MSH3: variants seen among roughly 807,000 people sequenced by gnomAD.
MSH3 encodes mutS homolog 3.
A neutral mutation model predicts 123.3 loss-of-function variants in MSH3; 106 were observed. The observed-to-expected ratio is 0.86, with a 90% CI of 0.73 to 1.01. MSH3 has a LOEUF of 1.01. MSH3 is among the 50% of genes least tolerant of loss of function. MSH3 has a pLI of 0.00. For missense variants in MSH3, 1,459 were observed against 1,347.6 expected (o/e 1.08, Z -1.29); for synonymous variants, 515 against 481.4 (o/e 1.07, Z -0.91).
intron 12 of MSH3, among the ~76,000 whole-genome samples, chr5:80,757,001 C>T (rs6151771): frequency 0.025 from 3,776 of 152,198 alleles, 142 homozygotes; most frequent in African/African-American, 0.084. Context: ...AAAAGTCAAA[C>T]TTTTCAGTAA....
At chr5:80,788,929 G>A (rs1291881644) in intron 18 of MSH3, among the ~76,000 whole-genome samples, 1 of 152,074 alleles carries the variant, frequency 6.6e-6, no homozygotes, top group Non-Finnish European at 1.5e-5. Context: ...GGTGTCATCA[G>A]TATGCTTTCT....
At chr5:80,789,688 C>T (rs1280133009) in intron 18 of MSH3, among the ~76,000 whole-genome samples, 1 of 152,110 alleles carries the variant, frequency 6.6e-6, no homozygotes, top group African/African-American at 2.4e-5. Flanking sequence ...ACTTTCTTTG[C>T]AAAATGTGAG....
chr5:80,690,804 C>T (rs776601940), intron 8 of MSH3, among the ~76,000 whole-genome samples: 31 of 151,962 alleles, frequency 2.0e-4, no homozygotes, highest in Admixed American at 1.8e-3. Flanking sequence ...GAAATCAGTT[C>T]GGTAGGTTGT....
At chr5:80,693,371 A>G (rs1750372845) in intron 8 of MSH3, among the ~76,000 whole-genome samples, 1 of 61,078 alleles carries the variant, frequency 1.6e-5, no homozygotes, top group Admixed American at 1.8e-4. Context: ...ATATACATGC[A>G]CATGTATATG....
intron 22 of MSH3, among the ~76,000 whole-genome samples, chr5:80,872,417 T>C (rs1056119797): frequency 5.9e-5 from 9 of 152,142 alleles, no homozygotes; most frequent in African/African-American, 1.9e-4. Flanking sequence ...GCCAGTGAGC[T>C]GAGATTGCGC....
At chr5:80,812,634 T>C (rs1212069410) in intron 19 of MSH3, among the ~76,000 whole-genome samples, 3 of 140,064 alleles carry the variant, frequency 2.1e-5, no homozygotes, top group Non-Finnish European at 4.5e-5. Flanking sequence ...CATGCTGGAA[T>C]GCAGTGGTGC....
intron 21 of MSH3, among the ~76,000 whole-genome samples, chr5:80,860,915 C>G (rs1354662675): frequency 6.6e-6 from 1 of 152,168 alleles, no homozygotes; most frequent in Non-Finnish European, 1.5e-5. Context: ...TCCTCAAGCT[C>G]AGAGATTCTT....
intron 8 of MSH3, among the ~76,000 whole-genome samples, chr5:80,717,049 G>A (rs1048724073): frequency 1.3e-5 from 2 of 152,084 alleles, no homozygotes; most frequent in African/African-American, 2.4e-5. Flanking sequence ...CATTTTTTGG[G>A]GGGGGCTGAA....
At chr5:80,772,553 GA>G (rs1230298197) in intron 15 of MSH3, among the ~76,000 whole-genome samples, 5 of 152,112 alleles carry the variant, frequency 3.3e-5, no homozygotes, top group African/African-American at 1.2e-4. Flanking sequence ...TGCTTATAAT[GA>G]ATCAAGGCAG....
chr5:80,684,411 A>G (rs1750039297), intron 8 of MSH3, among the ~76,000 whole-genome samples: 1 of 151,986 alleles, frequency 6.6e-6, no homozygotes, highest in Non-Finnish European at 1.5e-5. Context: ...GTTAACTCCT[A>G]GATATTTTAT....
chr5:80,783,551 C>T (rs897803100), intron 17 of MSH3, among the ~76,000 whole-genome samples: 3 of 152,068 alleles, frequency 2.0e-5, no homozygotes, highest in African/African-American at 7.2e-5. Flanking sequence ...TTACTTATCC[C>T]TTCTTGCTTT....
Position 80,869,198 on chromosome 5 carries a change from A to C in MSH3, c.3131-3918A>C, listed in dbSNP as rs183365563. The stretch of plus-strand genomic sequence containing the variant: ...GCAACTTCAGAAATTATTTGTCAGT[A>C]CACATCTCTTTAATAACTGCTTAGA... On this transcript the variant is annotated intron_variant, in intron 22 of 23. Transcript: ENST00000265081. 1.4e-3 allele frequency among the ~76,000 whole-genome samples: 217 copies of C among 152,366 alleles called. 1 individual carries two copies. Among genetic ancestry groups the C allele is most frequent in the African/African-American group, 5.1e-3 (211 of 41,588 alleles).
intron 2 of MSH3, among the ~76,000 whole-genome samples, chr5:80,663,781 A>ATT (rs35756839): frequency 3.3e-5 from 5 of 151,626 alleles, no homozygotes; most frequent in Admixed American, 6.6e-5. Context: ...ATTTTAAACT[A>ATT]TTTTTTTTGA....
intron 20 of MSH3, among the ~76,000 whole-genome samples, chr5:80,817,875 A>G (rs1745132673): frequency 6.6e-6 from 1 of 152,164 alleles, no homozygotes; most frequent in African/African-American, 2.4e-5. Context: ...GACATTAGGT[A>G]AAAGTTTGTG....
intron 8 of MSH3, among the ~76,000 whole-genome samples, chr5:80,720,002 T>C (rs1354438709): frequency 3.3e-5 from 5 of 152,140 alleles, no homozygotes; most frequent in Non-Finnish European, 7.3e-5. Context: ...CAGGTGGTGG[T>C]GATGCTACTG....
Position 80,827,597 on chromosome 5 carries a change from A to G in MSH3, c.2813+13856A>G, listed in dbSNP as rs1187225645. 4.7e-5 allele frequency among the ~76,000 whole-genome samples: 7 copies of G among 147,490 alleles called. No individual in the cohort carries two copies. In the Admixed American group the frequency reaches 4.7e-4, roughly 10 times the overall value. ...AAATCCACATGATAAGTGAGCACTAAATGAGTAAGTTGTTATGATTTTATT... is the reference window on the plus strand; with the variant it reads ...AAATCCACATGATAAGTGAGCACTAGATGAGTAAGTTGTTATGATTTTATT... On this transcript the variant is annotated intron_variant, in intron 20 of 23. Transcript: ENST00000265081.
At chr5:80,675,620 C>A (rs1298858999) in intron 7 of MSH3, among the ~76,000 whole-genome samples, 1 of 152,196 alleles carries the variant, frequency 6.6e-6, no homozygotes, top group Non-Finnish European at 1.5e-5. Context: ...AATCACCTCC[C>A]ACCAGGTCTC....
intron 23 of MSH3, among the ~76,000 whole-genome samples, chr5:80,875,420 T>G (rs1175367930): frequency 1.3e-5 from 2 of 152,046 alleles, no homozygotes; most frequent in Admixed American, 1.3e-4. Flanking sequence ...TTCATAGGAG[T>G]TTCTTTTCTC....
In MSH3 at chr5:80,744,492, C is replaced by G; in HGVS notation, c.1654-14C>G. ...TTGTCTAGTTAATAAAACTTGTTTT[C>G]TGGTCTTTCTTAGACTGATATGAAA... On this transcript the variant is annotated splice_polypyrimidine_tract_variant and intron_variant, in intron 11 of 23. Coordinates refer to ENST00000265081, the MANE Select transcript of MSH3 (RefSeq NM_002439.5). 1 of 1,585,884 alleles carries G rather than the reference C, an allele frequency of 6.3e-7. No homozygotes were observed.
Sources: allele counts gnomAD v4.1 joint callset (sites outside exome capture counted in the v4.1 genomes callset), GRCh38; gene constraint gnomAD v4.1.1; transcripts MANE v1.5; gene names NCBI Gene and HGNC (gene_info 2026-07-23, HGNC 2026-07-21).